Variants in ZNF236 observed in about 807,000 individuals in gnomAD.
ZNF236 encodes regulated by glucose.
ZNF236 carries 50 observed loss-of-function variants against 191.2 expected under a neutral mutation model. The observed-to-expected ratio is 0.26, with a 90% CI of 0.21 to 0.33. The LOEUF (loss-of-function observed/expected upper bound fraction) is 0.33, where lower values mean the gene tolerates loss of function less well. Among genes scored for constraint, ZNF236 ranks in the 10% least tolerant of loss-of-function variants. The pLI, the probability that ZNF236 is intolerant of heterozygous loss-of-function variation, is 1.00. For synonymous variants in ZNF236, 907 were observed against 928.8 expected (o/e 0.98, Z 0.43); for missense variants, 1,754 against 2,374.5 (o/e 0.74, Z 5.43).
chr18:76,851,833 A>C lies in ZNF236; in HGVS notation c.257A>C (p.His86Pro), dbSNP rs528676300. The stretch of plus-strand genomic sequence containing the variant: ...AATGTTGAATTCAACCTGACACTTC[A>C]TAAATGCACCCACAGCGGGGAAGAT... ...TFNVEFNLTL[H>P]KCTHSGEDPT... The change falls in exon 3 of 31, where the codon CAT becomes CCT. Residue 86 changes from histidine to proline, a missense_variant. His to Pro is a moderately conservative substitution (Grantham distance 77). Transcript: ENST00000320610. 8.7e-6 allele frequency: 14 copies of C among 1,614,134 alleles called. No homozygotes were observed. The Admixed American group carries it at 1.2e-4, about 13-fold the overall frequency.
chr18:76,925,473 T>G lies in ZNF236; in HGVS notation c.3946T>G (p.Ser1316Ala). 6.2e-7 allele frequency: 1 copy of G among 1,614,184 alleles called. No homozygotes were observed. Among genetic ancestry groups the G allele is most frequent in the Non-Finnish European group, 8.5e-7 (1 of 1,180,040 alleles). The change falls in exon 22 of 31, where the codon TCT (serine) becomes GCT (alanine). Residue 1316 changes from serine to alanine, a missense_variant. By Grantham distance (99) the Ser-to-Ala change is moderately conservative (BLOSUM62 1). Coordinates refer to ENST00000320610, the MANE Select transcript of ZNF236 (RefSeq NM_001306089.2). The surrounding 1 kb of genome is among the most constrained non-coding windows in gnomAD (Gnocchi z 5.7). ...CCCAAACGTGTTTATCATGAACAACTCTGTTCTAACAGGACAGTTTGATCA... is the reference window on the plus strand; with the variant it reads ...CCCAAACGTGTTTATCATGAACAACGCTGTTCTAACAGGACAGTTTGATCA... Reference protein sequence around the residue: ...TDPNVFIMNNSVLTGQFDQNL... With the variant: ...TDPNVFIMNNAVLTGQFDQNL...
intron 9 of ZNF236, among the ~76,000 whole-genome samples, chr18:76,883,789 C>T (rs1028794086): frequency 6.6e-6 from 1 of 152,060 alleles, no homozygotes; most frequent in Non-Finnish European, 1.5e-5. Context: ...TACTAGTGTA[C>T]TTTTAACATA....
intron 1 of ZNF236, among the ~76,000 whole-genome samples, chr18:76,829,894 C>T (rs867079448): frequency 6.6e-6 from 1 of 152,146 alleles, no homozygotes; most frequent in African/African-American, 2.4e-5. Flanking sequence ...TTTTTTGAGA[C>T]GGAGTCTCGC....
chr18:76,918,379 C>T (rs1183267199), intron 19 of ZNF236, among the ~76,000 whole-genome samples: 2 of 152,130 alleles, frequency 1.3e-5, no homozygotes, highest in Admixed American at 1.3e-4. Flanking sequence ...ATACTTTAAG[C>T]CATCTCTAGA....
At chr18:76,929,002 A>T (rs755020977) in intron 25 of ZNF236, among the ~76,000 whole-genome samples, 10 of 148,562 alleles carry the variant, frequency 6.7e-5, no homozygotes, top group Non-Finnish European at 1.5e-4. Context: ...TGGAGATCTG[A>T]TGTGACAGAG....
intron 28 of ZNF236, among the ~76,000 whole-genome samples, chr18:76,958,798 C>A (rs1317579553): frequency 2.6e-5 from 4 of 152,172 alleles, no homozygotes; most frequent in Non-Finnish European, 4.4e-5. Flanking sequence ...GTTTTTCCCA[C>A]CCTGCTGCTT....
chr18:76,928,793 C>T (rs1334614778), intron 25 of ZNF236, among the ~76,000 whole-genome samples: 1 of 151,826 alleles, frequency 6.6e-6, no homozygotes, highest in Non-Finnish European at 1.5e-5. Flanking sequence ...GCTTTGCTCA[C>T]GTGACTCTTA....
Position 76,925,212 on chromosome 18 carries a change from G to A in ZNF236, c.3685G>A (p.Val1229Ile), listed in dbSNP as rs1487164177. Reference protein sequence around the residue: ...HTGQKLFSCHVCSNAFSTKGS... With the variant: ...HTGQKLFSCHICSNAFSTKGS... ...AGGTCAGAAGCTCTTCAGCTGTCAC[G>A]TCTGCAGCAACGCCTTCTCCACGAA... The change falls in exon 22 of 31, where the codon GTC (valine) becomes ATC (isoleucine). Residue 1229 changes from valine to isoleucine, a missense_variant. Around this residue, in one of 5 missense-constraint regions of ZNF236, gnomAD observed 45 missense variants for 137.4 expected, o/e 0.33. Transcript: ENST00000320610. The surrounding 1 kb of genome is among the most constrained non-coding windows in gnomAD (Gnocchi z 5.7). 2.5e-6 allele frequency: 4 copies of A among 1,613,886 alleles called. No homozygotes were observed. The highest frequency in any genetic ancestry group is 1.1e-5 in the South Asian group (1 of 91,084).
At chr18:76,943,358 G>A (rs566692579) in intron 26 of ZNF236, among the ~76,000 whole-genome samples, 2 of 152,280 alleles carry the variant, frequency 1.3e-5, no homozygotes, top group African/African-American at 4.8e-5. Flanking sequence ...AGGAGGAGCA[G>A]GCCGGTGGTA....
chr18:76,900,245 A>C (rs2122724954), intron 11 of ZNF236, among the ~76,000 whole-genome samples: 1 of 152,314 alleles, frequency 6.6e-6, no homozygotes, highest in Middle Eastern at 3.4e-3. Context: ...TAAGATGATC[A>C]ACAGCCATAA....
At chr18:76,967,456 G>C (rs1788705) in intron 30 of ZNF236, among the ~76,000 whole-genome samples, 26 of 143,062 alleles carry the variant, frequency 1.8e-4, no homozygotes, top group Middle Eastern at 3.9e-3. Context: ...GGTGTGCTCT[G>C]TGAGATTTGT....
At chr18:76,840,340 C>A (rs1302700830) in intron 1 of ZNF236, among the ~76,000 whole-genome samples, 1 of 152,058 alleles carries the variant, frequency 6.6e-6, no homozygotes, top group Non-Finnish European at 1.5e-5. Flanking sequence ...ACTAAAAATA[C>A]AAAATTAGCC....
chr18:76,846,500 A>G (rs1975686957), intron 1 of ZNF236, among the ~76,000 whole-genome samples: 1 of 152,220 alleles, frequency 6.6e-6, no homozygotes, highest in African/African-American at 2.4e-5. Flanking sequence ...CCCTGTACAA[A>G]GGTGTGCCCC....
At chr18:76,841,872 T>A (rs1975517409) in intron 1 of ZNF236, among the ~76,000 whole-genome samples, 1 of 152,012 alleles carries the variant, frequency 6.6e-6, no homozygotes, top group Non-Finnish European at 1.5e-5. Context: ...TTTTTATTTT[T>A]ATTTTTAGTG....
At chr18:76,965,804 G>A (rs2122980162) in intron 30 of ZNF236, among the ~76,000 whole-genome samples, 1 of 152,334 alleles carries the variant, frequency 6.6e-6, no homozygotes, top group African/African-American at 2.4e-5. Flanking sequence ...GGGTGAAATG[G>A]ACTCTGTGAA....
intron 16 of ZNF236, 36 bp downstream of exon 16, chr18:76,910,847 T>C: frequency 6.2e-7 from 1 of 1,608,426 alleles, no homozygotes; most frequent in South Asian, 1.1e-5. Context: ...CATGGCAGTA[T>C]TTAGCAGGTG....
Position 76,880,059 on chromosome 18 carries a change from T to A in ZNF236, c.985-54T>A. 6.6e-7 allele frequency: 1 copy of A among 1,519,730 alleles called. No homozygotes were observed. The highest frequency in any genetic ancestry group is 1.2e-5 in the South Asian group (1 of 82,140). 94.1% of individuals were successfully genotyped at this position (1,519,730 alleles called of 1,614,324 possible). A position where few individuals can be genotyped will look rare whatever the true frequency, so the allele number is the denominator to read the frequency against. ...CTGTTTTTTTTTTTTTAATTTTCCT[T>A]TTTAAATTGAAGAGCAAAATTGTAT... On this transcript the variant is annotated intron_variant, in intron 7 of 30. Transcript: ENST00000320610. This position sits in a 1 kb window ranked among gnomAD's most constrained non-coding sequence, Gnocchi z 5.0.
chr18:76,836,612 C>T (rs907456286), intron 1 of ZNF236, among the ~76,000 whole-genome samples: 2 of 151,896 alleles, frequency 1.3e-5, no homozygotes, highest in Non-Finnish European at 2.9e-5. Flanking sequence ...GAGTTTTGCT[C>T]TGTCGCCCAG....
In ZNF236 at chr18:76,972,727, A is replaced by C. The variant is rs994318869; in HGVS notation, c.*4388A>C. 2.6e-5 allele frequency among the ~76,000 whole-genome samples: 4 copies of C among 151,210 alleles called. No homozygotes were observed. The highest frequency in any genetic ancestry group is 4.4e-5 in the Non-Finnish European group (3 of 67,844). On this transcript the variant is annotated 3_prime_UTR_variant, in exon 31 of 31. Transcript: ENST00000320610. ...ACCACTAAAGAAAATTTTTAAAGTT[A>C]ATTTTTTTTAATTACAGAAGAATTC...
Sources: gnomAD v4.1 joint callset for allele counts (sites outside exome capture counted in the v4.1 genomes callset) on GRCh38, gnomAD v4.1.1 for gene constraint, gnomAD v4.1.1 regional missense constraint, Gnocchi (gnomAD v3.1) non-coding constraint, MANE v1.5 for transcripts, NCBI Gene and HGNC (gene_info 2026-07-23, HGNC 2026-07-21) for gene names.